Variants in DTNA observed in about 807,000 individuals in gnomAD.
DTNA encodes dystrobrevin alpha.
In DTNA, 43 loss-of-function variants were observed where a neutral mutation model predicts 100.7. That is an observed-to-expected ratio of 0.43 (90% CI 0.33 to 0.55). The LOEUF (loss-of-function observed/expected upper bound fraction) is 0.55, where lower values mean the gene tolerates loss of function less well. DTNA is among the 20% of genes least tolerant of loss of function. The pLI is 0.04. For synonymous variants in DTNA, 349 were observed against 347.9 expected, an observed-to-expected ratio of 1.00 and a Z score of -0.04; for missense variants, 798 against 953.9, an observed-to-expected ratio of 0.84 and a Z score of 2.15.
intron 1 of DTNA, among the ~76,000 whole-genome samples, chr18:34,559,713 C>T (rs1362067778): frequency 1.3e-5 from 2 of 152,148 alleles, no homozygotes; most frequent in Non-Finnish European, 2.9e-5. Flanking sequence ...TACTGTAGTT[C>T]CTCCTGAAAT....
chr18:34,878,326 A>G (rs745751808), intron 19 of DTNA, among the ~76,000 whole-genome samples: 4 of 152,178 alleles, frequency 2.6e-5, no homozygotes, highest in Non-Finnish European at 5.9e-5. Flanking sequence ...ACACATACTC[A>G]ATGTAGAAAG....
At chr18:34,627,149 CA>C (rs67932788) in intron 1 of DTNA, among the ~76,000 whole-genome samples, 8,140 of 135,334 alleles carry the variant, frequency 0.06, 578 homozygotes, top group African/African-American at 0.18. Context: ...GTCTGAGAGT[CA>C]AAAAAAAAAA....
At chr18:34,693,095 G>A (rs987800518) in intron 1 of DTNA, among the ~76,000 whole-genome samples, 34 of 152,186 alleles carry the variant, frequency 2.2e-4, no homozygotes, top group South Asian at 1.7e-3. Flanking sequence ...ATCAGCATCC[G>A]TAGAGAAGGG....
At chr18:34,729,254 C>G (rs1227928108) in intron 1 of DTNA, among the ~76,000 whole-genome samples, 1 of 152,166 alleles carries the variant, frequency 6.6e-6, no homozygotes, top group Non-Finnish European at 1.5e-5. Flanking sequence ...GTTATTTGCT[C>G]AAGTACATGC....
intron 1 of DTNA, among the ~76,000 whole-genome samples, chr18:34,695,103 C>T (rs1006131728): frequency 1.3e-5 from 2 of 152,152 alleles, no homozygotes; most frequent in African/African-American, 4.8e-5. Context: ...CTATAACAAC[C>T]TTCCCATTCT....
At chr18:34,793,262 A>G (rs1308892620) in intron 3 of DTNA, among the ~76,000 whole-genome samples, 1 of 152,194 alleles carries the variant, frequency 6.6e-6, no homozygotes, top group African/African-American at 2.4e-5. Context: ...GGTCGTGATC[A>G]TGGTTTCTGG....
At chr18:34,769,980 C>T (rs368843558) in intron 3 of DTNA, among the ~76,000 whole-genome samples, 40 of 151,914 alleles carry the variant, frequency 2.6e-4, no homozygotes, top group African/African-American at 9.2e-4. Flanking sequence ...CTTGGCCTCC[C>T]AAAGTGCTAG....
intron 1 of DTNA, among the ~76,000 whole-genome samples, chr18:34,616,780 T>TTGTGTCATC (rs1473550652): frequency 1.3e-5 from 2 of 152,188 alleles, no homozygotes; most frequent in East Asian, 3.9e-4. Flanking sequence ...TTCCAATCGT[T>TTGTGTCATC]TGTGTCATCT....
chr18:34,829,023 C>T, intron 10 of DTNA: 1 of 1,614,118 alleles, frequency 6.2e-7, no homozygotes, highest in African/African-American at 1.3e-5. Context: ...TACTGAAGGT[C>T]ATTTTATATC....
intron 1 of DTNA, among the ~76,000 whole-genome samples, chr18:34,602,802 G>A (rs779332969): frequency 5.3e-5 from 8 of 151,740 alleles, no homozygotes; most frequent in Non-Finnish European, 7.4e-5. Flanking sequence ...CCAGGAGTTC[G>A]AGAACAGCCT....
At chr18:34,766,306 A>T (rs2093464346) in intron 3 of DTNA, among the ~76,000 whole-genome samples, 1 of 152,216 alleles carries the variant, frequency 6.6e-6, no homozygotes, top group Non-Finnish European at 1.5e-5. Flanking sequence ...ATACAATATA[A>T]TTCTGACCTT....
At chr18:34,866,097 C>G in intron 17 of DTNA, 1 of 1,613,828 alleles carries the variant, frequency 6.2e-7, no homozygotes, top group Non-Finnish European at 8.5e-7. Flanking sequence ...GTTATTGATT[C>G]AATCTTTCTG....
Position 34,882,401 on chromosome 18 carries a change from C to T in DTNA, c.2295+200C>T, listed in dbSNP as rs8095787. On this transcript the variant is annotated intron_variant, in intron 21 of 22. Transcript: ENST00000444659. ...CTTTTTTTTTTAAGACAGAATTTCA[C>T]TCTGTTGCCTAGGCTGGAGTGCAGT... Among the ~76,000 whole-genome samples, 24,029 of 152,002 alleles carry T rather than the reference C, an allele frequency of 0.16. 2,037 individuals carry two copies. The highest frequency in any genetic ancestry group is 0.18 in the Non-Finnish European group (12,417 of 67,974).
At chr18:34,656,565 C>A (rs1409003087) in intron 1 of DTNA, among the ~76,000 whole-genome samples, 1 of 152,306 alleles carries the variant, frequency 6.6e-6, no homozygotes, top group Admixed American at 6.5e-5. Flanking sequence ...TATTGAAGTT[C>A]TCCTAGCCCT....
At chr18:34,774,734 C>T (rs138446708) in intron 3 of DTNA, among the ~76,000 whole-genome samples, 97 of 152,190 alleles carry the variant, frequency 6.4e-4, no homozygotes, top group Middle Eastern at 3.4e-3. Context: ...TCTCACCTGT[C>T]GAAGAGTAAA....
chr18:34,545,784 G>T (rs950399409), intron 1 of DTNA, among the ~76,000 whole-genome samples: 60 of 152,144 alleles, frequency 3.9e-4, no homozygotes, highest in African/African-American at 1.3e-3. Flanking sequence ...ATTTAATGCA[G>T]TTTGTTCAGT....
At chr18:34,797,174 T>A (rs1031311883) in intron 4 of DTNA, among the ~76,000 whole-genome samples, 5 of 152,094 alleles carry the variant, frequency 3.3e-5, no homozygotes, top group African/African-American at 1.2e-4. Context: ...TCCAGAAGAT[T>A]TTTGTTTTTT....
chr18:34,634,633 CT>C (rs1288341431), intron 1 of DTNA, among the ~76,000 whole-genome samples: 2 of 152,046 alleles, frequency 1.3e-5, no homozygotes, highest in African/African-American at 4.8e-5. Context: ...TTTTCATAGC[CT>C]TTTCAGAAAA....
chr18:34,621,453 T>A (rs2056486927), intron 1 of DTNA, among the ~76,000 whole-genome samples: 1 of 152,050 alleles, frequency 6.6e-6, no homozygotes, highest in South Asian at 2.1e-4. Context: ...GATGGATGAA[T>A]GGATAAATGT....
Sources: gnomAD v4.1 joint callset for allele counts (sites outside exome capture counted in the v4.1 genomes callset) on GRCh38, gnomAD v4.1.1 for gene constraint, MANE v1.5 for transcripts, NCBI Gene and HGNC (gene_info 2026-07-23, HGNC 2026-07-21) for gene names.